DTNB: variants seen among roughly 807,000 people sequenced by gnomAD.
DTNB encodes DTN-B.
Under a neutral mutation model 90.7 loss-of-function variants are expected in DTNB, and 63 were observed. The ratio of observed to expected loss-of-function variants is 0.69; its 90% CI spans 0.57 to 0.86. The LOEUF is 0.86. DTNB is among the 40% of genes least tolerant of loss of function. The pLI, the probability that DTNB is intolerant of heterozygous loss-of-function variation, is 0.00. For missense variants in DTNB, 744 were observed against 807.1 expected (o/e 0.92, Z 0.95); for synonymous variants, 277 against 286.7 (o/e 0.97, Z 0.34).
In DTNB at chr2:25,607,337, T is replaced by C. The variant is rs760460484; in HGVS notation, c.363-16A>G. The C allele has an allele frequency of 1.3e-6, 2 of 1,574,056 alleles. No homozygotes were observed. Among genetic ancestry groups the C allele is most frequent in the South Asian group, 1.2e-5 (1 of 85,250 alleles). ...TCGGCCCTCACTGCAAAATAAATTA[T>C]ATTAGAAATAATTGCTATCTGAAAC... On this transcript the variant is annotated splice_polypyrimidine_tract_variant and intron_variant, in intron 4 of 20. Coordinates refer to ENST00000406818, the MANE Select transcript of DTNB (RefSeq NM_021907.5).
intron 8 of DTNB, among the ~76,000 whole-genome samples, chr2:25,552,910 G>C (rs888154969): frequency 7.9e-6 from 1 of 126,586 alleles, no homozygotes; most frequent in Non-Finnish European, 1.6e-5. Context: ...TCGGACTGCG[G>C]ACTGCAGTGG....
At chr2:25,405,233 A>G (rs2044790391) in intron 16 of DTNB, among the ~76,000 whole-genome samples, 1 of 152,138 alleles carries the variant, frequency 6.6e-6, no homozygotes, top group South Asian at 2.1e-4. Context: ...TGGCCCGACT[A>G]ACCACCATTA....
At position 25,427,662 on chromosome 2, in the gene DTNB, G is replaced by C. The variant is rs1170220166; in HGVS notation, c.1458-31C>G. The C allele has an allele frequency of 1.9e-6, 3 of 1,605,160 alleles. No individual in the cohort carries two copies. The East Asian group carries it at 6.7e-5, about 36-fold the overall frequency. ...CAAGACGAGAAGCCTATCAGATAAA[G>C]AGACCCTCAAAGATGGATCTAAGGC... On this transcript the variant is annotated intron_variant, in intron 14 of 20. Coordinates refer to ENST00000406818, the MANE Select transcript of DTNB (RefSeq NM_021907.5).
intron 4 of DTNB, among the ~76,000 whole-genome samples, chr2:25,613,697 C>T (rs574801602): frequency 5.3e-5 from 8 of 150,476 alleles, no homozygotes; most frequent in Admixed American, 4.6e-4. Flanking sequence ...CAGTGGCTCA[C>T]GCCTGTAATC....
chr2:25,506,837 A>G (rs895707573), intron 9 of DTNB, among the ~76,000 whole-genome samples: 3 of 152,180 alleles, frequency 2.0e-5, no homozygotes, highest in Non-Finnish European at 4.4e-5. Context: ...AAAATTGTTT[A>G]GATGCTAGGC....
Position 25,633,808 on chromosome 2 carries a change from G to A in DTNB, c.148+5206C>T, listed in dbSNP as rs1364423234. On this transcript the variant is annotated intron_variant, in intron 3 of 20. Coordinates refer to ENST00000406818, the MANE Select transcript of DTNB (RefSeq NM_021907.5). ...CCGCTCATCGTCTGAGATGTGGGGA[G>A]CGCCTCTGCCCCGCCACCCCGTCTG... Among the ~76,000 whole-genome samples, 11 of 148,616 alleles carry A rather than the reference G, an allele frequency of 7.4e-5. No homozygotes were observed. In the East Asian group the frequency reaches 2.2e-3, roughly 30 times the overall value.
chr2:25,613,841 C>G (rs2069382190), intron 4 of DTNB, among the ~76,000 whole-genome samples: 1 of 152,034 alleles, frequency 6.6e-6, no homozygotes, highest in Non-Finnish European at 1.5e-5. Flanking sequence ...ACCAGTAATC[C>G]CGGCTACTCA....
intron 10 of DTNB, among the ~76,000 whole-genome samples, chr2:25,480,066 C>T (rs1013675246): frequency 1.3e-5 from 2 of 152,272 alleles, no homozygotes; most frequent in East Asian, 3.9e-4. Flanking sequence ...GAAATTTATA[C>T]TATTTGATTA....
chr2:25,569,410 A>G (rs890412682), intron 8 of DTNB, among the ~76,000 whole-genome samples: 4 of 152,192 alleles, frequency 2.6e-5, no homozygotes, highest in Admixed American at 1.3e-4. Context: ...ATATTTAGTT[A>G]CTGTCCACTC....
chr2:25,559,709 A>G (rs1478533901), intron 8 of DTNB, among the ~76,000 whole-genome samples: 1 of 152,234 alleles, frequency 6.6e-6, no homozygotes, highest in African/African-American at 2.4e-5. Context: ...ATTACCTTCT[A>G]TGACAAAATT....
At chr2:25,637,811 A>G (rs375521615) in intron 3 of DTNB, among the ~76,000 whole-genome samples, 6 of 152,214 alleles carry the variant, frequency 3.9e-5, no homozygotes, top group African/African-American at 1.2e-4. Flanking sequence ...CGATTCCTCA[A>G]GGATCTAGAA....
At chr2:25,635,110 G>GT (rs1389655260) in intron 3 of DTNB, among the ~76,000 whole-genome samples, 1 of 149,084 alleles carries the variant, frequency 6.7e-6, no homozygotes, top group East Asian at 2.0e-4. Flanking sequence ...TAAAATAATA[G>GT]TATCATGTCA....
intron 8 of DTNB, among the ~76,000 whole-genome samples, chr2:25,538,499 TG>T (rs1389639933): frequency 1.3e-5 from 2 of 152,218 alleles, no homozygotes; most frequent in African/African-American, 2.4e-5. Context: ...CTGCCCAGTC[TG>T]GAGTGCAATG....
chr2:25,650,264 A>G (rs2080576311), intron 2 of DTNB: 7 of 984,256 alleles, frequency 7.1e-6, no homozygotes, highest in Non-Finnish European at 8.4e-6. Flanking sequence ...CTTTACTAAC[A>G]TGGAAGTTTC....
chr2:25,634,563 C>T lies in DTNB; in HGVS notation c.148+4451G>A, dbSNP rs1653241506. Among the ~76,000 whole-genome samples the T allele has an allele frequency of 2.1e-5, 3 of 142,456 alleles. 1 individual carries two copies. Among genetic ancestry groups the T allele is most frequent in the African/African-American group, 7.4e-5 (3 of 40,546 alleles). The allele number at this position is 142,456 out of a possible 152,430, so 93.5% of individuals were successfully genotyped here. A position where few individuals can be genotyped will look rare whatever the true frequency, so the allele number is the denominator to read the frequency against. On this transcript the variant is annotated intron_variant, in intron 3 of 20. Transcript: ENST00000406818. ...CACCCCGTCTGGGAGGTGTGCCCAGCAGCTCATTGAGAACGGGCCAGGATG... is the reference window on the plus strand; with the variant it reads ...CACCCCGTCTGGGAGGTGTGCCCAGTAGCTCATTGAGAACGGGCCAGGATG...
intron 16 of DTNB, among the ~76,000 whole-genome samples, chr2:25,392,900 C>T (rs953592137): frequency 1.3e-5 from 2 of 152,122 alleles, no homozygotes; most frequent in Non-Finnish European, 2.9e-5. Flanking sequence ...TTCTACGAAG[C>T]CAGTATAACC....
chr2:25,551,494 T>C (rs1260690007), intron 8 of DTNB, among the ~76,000 whole-genome samples: 1 of 152,224 alleles, frequency 6.6e-6, no homozygotes, highest in African/African-American at 2.4e-5. Flanking sequence ...GCTGAATCTG[T>C]TCTGAAGGAG....
intron 10 of DTNB, among the ~76,000 whole-genome samples, chr2:25,461,478 A>G (rs1574767914): frequency 6.6e-6 from 1 of 152,368 alleles, no homozygotes; most frequent in Non-Finnish European, 1.5e-5. Context: ...CCAACTAACA[A>G]ACAAGGTTTG....
At chr2:25,408,965 CAG>C (rs2045957457) in intron 16 of DTNB, among the ~76,000 whole-genome samples, 1 of 152,158 alleles carries the variant, frequency 6.6e-6, no homozygotes, top group African/African-American at 2.4e-5. Context: ...TGAGGCACAA[CAG>C]AGAGGAAGAA....
Sources: allele counts gnomAD v4.1 joint callset (sites outside exome capture counted in the v4.1 genomes callset), GRCh38; gene constraint gnomAD v4.1.1; transcripts MANE v1.5; gene names NCBI Gene and HGNC (gene_info 2026-07-23, HGNC 2026-07-21).